Variants in CTIF observed in about 807,000 individuals in gnomAD.
CTIF encodes cap binding complex dependent translation initiation factor.
CTIF carries 21 observed loss-of-function variants against 66.0 expected under a neutral mutation model. The observed-to-expected ratio is 0.32, with a 90% CI of 0.23 to 0.46. The LOEUF is 0.46. Ranked by LOEUF, CTIF falls within the 20% of genes least tolerant of loss-of-function variation. The pLI is 1.00. For synonymous variants in CTIF, 345 were observed against 326.4 expected (o/e 1.06, Z -0.62); for missense variants, 739 against 812.7 (o/e 0.91, Z 1.10).
intron 7 of CTIF, among the ~76,000 whole-genome samples, chr18:48,746,507 G>A (rs914315388): frequency 6.6e-6 from 1 of 151,240 alleles, no homozygotes; most frequent in African/African-American, 2.4e-5. Flanking sequence ...CACTATGATG[G>A]TGGCACCACC....
Position 48,789,077 on chromosome 18 carries a change from G to T in CTIF, c.1371+27388G>T, listed in dbSNP as rs1599045614. Among the ~76,000 whole-genome samples the T allele has an allele frequency of 5.3e-5, 8 of 152,314 alleles. 1 individual carries two copies. Among genetic ancestry groups the T allele is most frequent in the Admixed American group, 5.2e-4 (8 of 15,298 alleles). ...AGGTCCCTCAGCACCCATGGGACAT[G>T]TTCCTGGACTGCAAGCCTCATCTTC... is the stretch of plus-strand genomic sequence containing the variant. On this transcript the variant is annotated intron_variant, in intron 9 of 11. Transcript: ENST00000256413.
chr18:48,626,293 G>T (rs900847867), intron 2 of CTIF, among the ~76,000 whole-genome samples: 14 of 150,400 alleles, frequency 9.3e-5, no homozygotes, highest in African/African-American at 3.4e-4. Flanking sequence ...GAGCCACCGC[G>T]CCCGGCCACA....
At chr18:48,627,118 T>G (rs1001597913) in intron 2 of CTIF, among the ~76,000 whole-genome samples, 3 of 152,216 alleles carry the variant, frequency 2.0e-5, no homozygotes, top group Non-Finnish European at 4.4e-5. Flanking sequence ...CTAGCATACA[T>G]GTAAGTTTTA....
chr18:48,816,728 T>C (rs139071921), intron 9 of CTIF, among the ~76,000 whole-genome samples: 178 of 152,316 alleles, frequency 1.2e-3, no homozygotes, highest in African/African-American at 3.9e-3. Flanking sequence ...TGTAGCCCAG[T>C]GCTGGGGCGC....
At chr18:48,734,008 G>T (rs1027771499) in intron 7 of CTIF, among the ~76,000 whole-genome samples, 4 of 152,254 alleles carry the variant, frequency 2.6e-5, no homozygotes, top group African/African-American at 9.6e-5. Context: ...TGAAAATAAA[G>T]CTGGGCATCC....
chr18:48,703,578 T>C (rs1022492987), intron 6 of CTIF, among the ~76,000 whole-genome samples: 9 of 152,252 alleles, frequency 5.9e-5, no homozygotes, highest in Non-Finnish European at 1.2e-4. Flanking sequence ...TAGGCTTGGA[T>C]GATTTCTATC....
intron 1 of CTIF, among the ~76,000 whole-genome samples, chr18:48,544,931 C>T (rs888708069): frequency 2.6e-5 from 4 of 152,312 alleles, no homozygotes; most frequent in East Asian, 1.9e-4. Flanking sequence ...ATAAACAGTT[C>T]CATTCAACGT....
rs559845912 is a variant in CTIF, at chr18:48,743,242, C to T, written c.585-14677C>T. On this transcript the variant is annotated intron_variant, in intron 7 of 11. Transcript: ENST00000256413. ...ACCCCGGGCTGGAGGCAGACAGAGC[C>T]CAACACCCATCTGACTCTGTGTCCA... Among the ~76,000 whole-genome samples the T allele has an allele frequency of 2.6e-5, 4 of 152,260 alleles. No individual in the cohort carries two copies. The South Asian group carries it at 8.3e-4, about 32-fold the overall frequency.
intron 9 of CTIF, among the ~76,000 whole-genome samples, chr18:48,808,702 C>A (rs910343969): frequency 4.6e-5 from 7 of 152,160 alleles, no homozygotes; most frequent in Admixed American, 4.6e-4. Context: ...ATGTGATAAA[C>A]CTTTGTGGAT....
chr18:48,810,291 A>T (rs2068233552), intron 9 of CTIF, among the ~76,000 whole-genome samples: 1 of 152,092 alleles, frequency 6.6e-6, no homozygotes, highest in South Asian at 2.1e-4. Context: ...GGTTTAGATG[A>T]TATATTTTCT....
intron 7 of CTIF, among the ~76,000 whole-genome samples, chr18:48,754,978 C>A (rs952795658): frequency 6.6e-6 from 1 of 152,126 alleles, no homozygotes; most frequent in African/African-American, 2.4e-5. Context: ...AAGTTGTTTT[C>A]TTTTCTGGGG....
chr18:48,781,731 G>A (rs889618346), intron 9 of CTIF, among the ~76,000 whole-genome samples: 2 of 152,124 alleles, frequency 1.3e-5, no homozygotes, highest in East Asian at 1.9e-4. Flanking sequence ...AAAAGGGAGG[G>A]GGCATGGGGG....
chr18:48,697,894 C>T (rs899275224), intron 6 of CTIF, among the ~76,000 whole-genome samples: 3 of 151,478 alleles, frequency 2.0e-5, no homozygotes, highest in South Asian at 2.1e-4. Flanking sequence ...GTGATCCTGC[C>T]GTTGCATCCT....
chr18:48,540,991 C>A (rs1269811327), intron 1 of CTIF, among the ~76,000 whole-genome samples: 5 of 152,148 alleles, frequency 3.3e-5, no homozygotes, highest in Non-Finnish European at 5.9e-5. Flanking sequence ...TCCGCGTCCG[C>A]GACGCCCCGT....
intron 1 of CTIF, 102 bp from the exon 2 acceptor site, chr18:48,619,436 G>A (rs1568078291): frequency 1.4e-6 from 1 of 735,136 alleles, no homozygotes. Flanking sequence ...CGCCATGATG[G>A]ATAAGAAGAT....
At chr18:48,683,973 C>G (rs1259719854) in intron 6 of CTIF, among the ~76,000 whole-genome samples, 1 of 152,220 alleles carries the variant, frequency 6.6e-6, no homozygotes, top group Non-Finnish European at 1.5e-5. Context: ...GCCAACATGG[C>G]CTGGGCTGGG....
chr18:48,860,034 TGGC>T lies in CTIF; in HGVS notation c.*476_*478del. On this transcript the variant is annotated 3_prime_UTR_variant, in exon 12 of 12. Coordinates refer to ENST00000256413, the MANE Select transcript of CTIF (RefSeq NM_014772.3). ...CATGCTGTCAGCCGCAGTCGCCAAC[TGGC>T]AGCAGGCGACGTGTAGCAGATGTCC... 2.3e-6 allele frequency: 1 copy of T among 438,428 alleles called. No homozygotes were observed. The highest frequency in any genetic ancestry group is 4.7e-6 in the Non-Finnish European group (1 of 214,892). 27.2% of individuals were successfully genotyped at this position (438,428 alleles called of 1,614,324 possible).
intron 6 of CTIF, among the ~76,000 whole-genome samples, chr18:48,695,527 G>A (rs1226803862): frequency 6.6e-6 from 1 of 152,160 alleles, no homozygotes; most frequent in Non-Finnish European, 1.5e-5. Flanking sequence ...GAGAACTGAG[G>A]TGCCACCCTA....
At chr18:48,656,187 G>A (rs954669793) in intron 3 of CTIF, among the ~76,000 whole-genome samples, 4 of 152,210 alleles carry the variant, frequency 2.6e-5, no homozygotes, top group African/African-American at 9.7e-5. Context: ...GCTTGCAGGG[G>A]AGGGATACGT....
Sources: gnomAD v4.1 joint callset for allele counts (sites outside exome capture counted in the v4.1 genomes callset) on GRCh38, gnomAD v4.1.1 for gene constraint, MANE v1.5 for transcripts, NCBI Gene and HGNC (gene_info 2026-07-23, HGNC 2026-07-21) for gene names.